The following DYNC1H1 variants were observed in gnomAD, a reference collection of about 807,000 sequenced individuals.
DYNC1H1 encodes dynein cytoplasmic 1 heavy chain 1, also known as cytoplasmic dynein 1 heavy chain 1.
Under a neutral mutation model 527.1 loss-of-function variants are expected in DYNC1H1, and 51 were observed. The ratio of observed to expected loss-of-function variants is 0.10; its 90% confidence interval spans 0.08 to 0.12. DYNC1H1 has a LOEUF of 0.12. Ranked by LOEUF, DYNC1H1 falls within the 10% of genes least tolerant of loss-of-function variation. The probability of loss-of-function intolerance (pLI) is 1.00; values close to 1 mark genes in which losing one functional copy is unlikely to be tolerated. For missense variants in DYNC1H1, 2,771 were observed against 5,971.8 expected (o/e 0.46, Z 17.66); for synonymous variants, 2,189 against 2,278.8 (o/e 0.96, Z 1.12).
Position 101,979,677 on chromosome 14 carries a change from C to A in DYNC1H1, c.519-42C>A. The stretch of plus-strand genomic sequence containing the variant: ...TGAAATGATGGGATCTCTTTGGAGA[C>A]CAATAGCACACTAAATGTTGAGGTA... On this transcript the variant is annotated intron_variant, in intron 3 of 77. Coordinates refer to ENST00000360184, the MANE Select transcript of DYNC1H1 (RefSeq NM_001376.5). This position sits in a 1 kb window ranked among gnomAD's most constrained non-coding sequence, Gnocchi z 4.6. 6.2e-7 allele frequency: 1 copy of A among 1,612,916 alleles called. No individual in the cohort carries two copies. The highest frequency in any genetic ancestry group is 2.2e-5 in the East Asian group (1 of 44,876).
chr14:102,002,413 T>C lies in DYNC1H1; in HGVS notation c.4543-124T>C. The C allele has an allele frequency of 1.5e-6, 2 of 1,353,336 alleles. No homozygotes were observed. Among genetic ancestry groups the C allele is most frequent in the African/African-American group, 1.4e-5 (1 of 69,732 alleles). 83.8% of individuals were successfully genotyped at this position (1,353,336 alleles called of 1,614,324 possible). On this transcript the variant is annotated intron_variant, in intron 21 of 77. Coordinates refer to ENST00000360184, the MANE Select transcript of DYNC1H1 (RefSeq NM_001376.5). This position sits in a 1 kb window ranked among gnomAD's most constrained non-coding sequence, Gnocchi z 4.4. ...GGCGTGAGCCACCACACCCGTCTACTTGTTGTTTAAAATGTGAATCAGATT... is the reference window on the plus strand; with the variant it reads ...GGCGTGAGCCACCACACCCGTCTACCTGTTGTTTAAAATGTGAATCAGATT...
In DYNC1H1 at chr14:101,969,220, C is replaced by T. The variant is rs2047702572; in HGVS notation, c.256+4273C>T. 2.0e-5 allele frequency: 3 copies of T among 151,466 alleles called. No homozygotes were observed. The South Asian group carries it at 6.3e-4, about 32-fold the overall frequency. 9.4% of individuals were successfully genotyped at this position (151,466 alleles called of 1,614,324 possible). A position where few individuals can be genotyped will look rare whatever the true frequency, so the allele number is the denominator to read the frequency against. On this transcript the variant is annotated intron_variant, in intron 1 of 77. Transcript: ENST00000360184. ...TTTTTTTAGTAGAGACGGGGTTTCA[C>T]CGTGTTAGCCAGGATGATCTCGATC...
At chr14:102,005,000 C>G in intron 25 of DYNC1H1, 42 bp from the exon 26 acceptor site, 1 of 1,614,194 alleles carries the variant, frequency 6.2e-7, no homozygotes, top group Non-Finnish European at 8.5e-7. Flanking sequence ...GCAGACCAAT[C>G]TTTAAAATGA....
At chr14:101,980,609 T>A in intron 5 of DYNC1H1, 59 bp downstream of exon 5, 3 of 1,574,228 alleles carry the variant, frequency 1.9e-6, no homozygotes, top group Non-Finnish European at 2.6e-6. Flanking sequence ...TTACGAGATC[T>A]TACTTGATAA....
intron 9 of DYNC1H1, among the ~76,000 whole-genome samples, chr14:101,988,150 G>C (rs931768334): frequency 6.6e-6 from 1 of 152,216 alleles, no homozygotes; most frequent in Non-Finnish European, 1.5e-5. Context: ...AGGGAGATAA[G>C]AGGGAGGAGA....
chr14:102,012,605 A>C lies in DYNC1H1; in HGVS notation c.7014+135A>C. ...GTGATCATTGTGTAAGTAATTTTCA[A>C]AGATAGCATCTCAACTGCTAGATTT... is the stretch of plus-strand genomic sequence containing the variant. On this transcript the variant is annotated intron_variant, in intron 34 of 77. Coordinates refer to ENST00000360184, the MANE Select transcript of DYNC1H1 (RefSeq NM_001376.5). This position sits in a 1 kb window ranked among gnomAD's most constrained non-coding sequence, Gnocchi z 4.9. 1 of 1,263,486 alleles carries C rather than the reference A, an allele frequency of 7.9e-7. No individual in the cohort carries two copies. The allele number at this position is 1,263,486 out of a possible 1,614,324, so 78.3% of individuals were successfully genotyped here. A position where few individuals can be genotyped will look rare whatever the true frequency, so the allele number is the denominator to read the frequency against.
rs763954848 is a variant in DYNC1H1, at chr14:101,995,108, G to A, written c.3444+12G>A. 1 of 1,614,186 alleles carries A rather than the reference G, an allele frequency of 6.2e-7. No homozygotes were observed. Among genetic ancestry groups the A allele is most frequent in the Non-Finnish European group, 8.5e-7 (1 of 1,180,036 alleles). On this transcript the variant is annotated intron_variant, in intron 14 of 77. Coordinates refer to ENST00000360184, the MANE Select transcript of DYNC1H1 (RefSeq NM_001376.5). ...CCCAGATCTCAAAGGTGAGGACATA[G>A]GATTCTGCCTCTGTAACCGGTCTAC...
intron 27 of DYNC1H1, among the ~76,000 whole-genome samples, chr14:102,006,605 A>ATT (rs553096325): frequency 7.3e-6 from 1 of 137,806 alleles, no homozygotes; most frequent in Non-Finnish European, 1.6e-5. Context: ...TACTACTTTG[A>ATT]TTTTTTTTTT....
intron 10 of DYNC1H1, among the ~76,000 whole-genome samples, chr14:101,991,007 CAAA>C (rs113053648): frequency 1.2e-4 from 8 of 68,410 alleles, no homozygotes; most frequent in Admixed American, 5.2e-4. Flanking sequence ...GACTCCGTCT[CAAA>C]AAAAAAAAAA....
chr14:101,984,399 ATATGTGTGTGTGTGTG>A (rs1566998342), intron 7 of DYNC1H1, among the ~76,000 whole-genome samples: 236 of 87,544 alleles, frequency 2.7e-3, no homozygotes, highest in African/African-American at 0.012. Context: ...ATATGCGTAT[ATATGTGTGTGTGTGTG>A]TGTGTGTGTG....
At chr14:101,970,427 C>T (rs1053902302) in intron 1 of DYNC1H1, among the ~76,000 whole-genome samples, 3 of 150,066 alleles carry the variant, frequency 2.0e-5, no homozygotes, top group Non-Finnish European at 4.4e-5. Flanking sequence ...AGTGATTGAC[C>T]ACCAGAATAA....
Position 102,042,811 on chromosome 14 carries a change from A to G in DYNC1H1, c.12513+63A>G. ...AAGCTAAAGCCCAGTCCCATCACCA[A>G]ATGCAGAAGTGGGTCCCTGGGCCCC... On this transcript the variant is annotated intron_variant, in intron 69 of 77. Transcript: ENST00000360184. This position sits in a 1 kb window ranked among gnomAD's most constrained non-coding sequence, Gnocchi z 5.7. 2 of 1,581,680 alleles carry G rather than the reference A, an allele frequency of 1.3e-6. No homozygotes were observed. Among genetic ancestry groups the G allele is most frequent in the Non-Finnish European group, 8.6e-7 (1 of 1,158,246 alleles).
intron 1 of DYNC1H1, among the ~76,000 whole-genome samples, chr14:101,974,207 C>T (rs577254095): frequency 2.6e-5 from 4 of 152,304 alleles, no homozygotes; most frequent in Non-Finnish European, 2.9e-5. Context: ...TCAAGCGATT[C>T]GCCTGCCTCA....
intron 5 of DYNC1H1, 105 bp downstream of exon 5, chr14:101,980,655 T>A (rs975383366): frequency 1.5e-5 from 20 of 1,364,232 alleles, no homozygotes; most frequent in Non-Finnish European, 2.0e-6. Context: ...AGATGTACTG[T>A]CGTTTTTAAC....
At chr14:101,990,796 G>A (rs931242682) in intron 10 of DYNC1H1, among the ~76,000 whole-genome samples, 1 of 151,912 alleles carries the variant, frequency 6.6e-6, no homozygotes, top group African/African-American at 2.4e-5. Flanking sequence ...AGATCACGAG[G>A]TCAAGAGATA....
In DYNC1H1 at chr14:102,046,933, G is replaced by A. The variant is rs990007807; in HGVS notation, c.13007-884G>A. Among the ~76,000 whole-genome samples the A allele has an allele frequency of 1.8e-3, 277 of 151,792 alleles. 8 individuals are homozygous for A. The highest frequency in any genetic ancestry group is 3.8e-4 in the Non-Finnish European group (26 of 67,966). ...CCCACCTCAGCCTTCCAAGTAGCTG[G>A]GACCACAGGTGCCACCACCACACCT... On this transcript the variant is annotated intron_variant, in intron 72 of 77. Coordinates refer to ENST00000360184, the MANE Select transcript of DYNC1H1 (RefSeq NM_001376.5).
Position 102,034,024 on chromosome 14 carries a change from C to A in DYNC1H1, c.10462C>A (p.Arg3488=), listed in dbSNP as rs779445428. The A allele has an allele frequency of 6.2e-7, 1 of 1,614,030 alleles. No homozygotes were observed. The highest frequency in any genetic ancestry group is 1.3e-5 in the African/African-American group (1 of 75,046). Residue 3488 remains arginine (R), a synonymous_variant, in exon 55 of 78, where the codon CGA becomes AGA. Transcript: ENST00000360184. The stretch of plus-strand genomic sequence containing the variant: ...GAAGAGCTTGTCTGCTGAACGTGAA[C>A]GATGGGAAAAAACAAGTGAAACTTT... ...LLKSLSAERE[R]WEKTSETFKN...
At chr14:102,007,591 T>G (rs2048211368) in intron 28 of DYNC1H1, among the ~76,000 whole-genome samples, 1 of 152,188 alleles carries the variant, frequency 6.6e-6, no homozygotes. Context: ...GGCGTGACTC[T>G]AATTTATCCT....
chr14:101,982,078 C>G (rs1053372925), intron 5 of DYNC1H1, among the ~76,000 whole-genome samples: 1 of 152,168 alleles, frequency 6.6e-6, no homozygotes, highest in Non-Finnish European at 1.5e-5. Context: ...TGAGCTCTGC[C>G]CCCGTCACAT....
Sources: allele counts gnomAD v4.1 joint callset (sites outside exome capture counted in the v4.1 genomes callset), GRCh38; gene constraint gnomAD v4.1.1; non-coding constraint Gnocchi (gnomAD v3.1); transcripts MANE v1.5; gene names NCBI Gene and HGNC (gene_info 2026-07-23, HGNC 2026-07-21).